AOPEP: variants seen among roughly 807,000 people sequenced by gnomAD.
AOPEP encodes aminopeptidase O (putative).
Under a neutral mutation model 98.1 loss-of-function variants are expected in AOPEP, and 77 were observed. The ratio of observed to expected loss-of-function variants is 0.78; its 90% confidence interval spans 0.65 to 0.95. The LOEUF (loss-of-function observed/expected upper bound fraction) is 0.95, where lower values mean the gene tolerates loss of function less well. Among genes scored for constraint, AOPEP ranks in the 40% least tolerant of loss-of-function variants. The pLI is 0.00. For missense variants in AOPEP, 1,024 were observed against 1,024.7 expected (o/e 1.00, Z 0.01); for synonymous variants, 346 against 365.3 (o/e 0.95, Z 0.60).
chr9:94,790,212 G>T (rs1418888792), intron 3 of AOPEP, among the ~76,000 whole-genome samples: 3 of 150,786 alleles, frequency 2.0e-5, no homozygotes, highest in Non-Finnish European at 4.4e-5. Flanking sequence ...TCTCACCCAG[G>T]CTGGAGTGCA....
intron 5 of AOPEP, among the ~76,000 whole-genome samples, chr9:94,882,882 C>T (rs79906699): frequency 0.054 from 8,214 of 152,244 alleles, 771 homozygotes; most frequent in African/African-American, 0.19. Flanking sequence ...TCCAAAAATA[C>T]GTACATTGTG....
chr9:94,861,558 C>G (rs1158239010), intron 5 of AOPEP, among the ~76,000 whole-genome samples: 1 of 152,198 alleles, frequency 6.6e-6, no homozygotes, highest in Non-Finnish European at 1.5e-5. Flanking sequence ...AGCTGGCACT[C>G]AGGTCTCTTC....
At chr9:94,811,681 G>C (rs1379244120) in intron 5 of AOPEP, among the ~76,000 whole-genome samples, 2 of 152,196 alleles carry the variant, frequency 1.3e-5, no homozygotes, top group African/African-American at 2.4e-5. Flanking sequence ...CCAGGCCACT[G>C]CAGGAAATTG....
At chr9:94,782,771 A>G (rs567587040) in intron 3 of AOPEP, among the ~76,000 whole-genome samples, 26 of 152,332 alleles carry the variant, frequency 1.7e-4, no homozygotes, top group African/African-American at 6.0e-4. Context: ...TAAACGTATT[A>G]ATCTTTTCCC....
At chr9:94,924,664 G>A (rs767013831) in intron 6 of AOPEP, among the ~76,000 whole-genome samples, 25 of 152,166 alleles carry the variant, frequency 1.6e-4, no homozygotes, top group Non-Finnish European at 3.4e-4. Flanking sequence ...AGTGAATGAA[G>A]AATGAAGCAG....
At chr9:94,774,443 C>A (rs975164699) in intron 3 of AOPEP, among the ~76,000 whole-genome samples, 2 of 151,546 alleles carry the variant, frequency 1.3e-5, no homozygotes, top group African/African-American at 4.8e-5. Flanking sequence ...GTTACATTTC[C>A]TTTCAGTATT....
intron 13 of AOPEP, among the ~76,000 whole-genome samples, chr9:95,058,390 C>T (rs1418976724): frequency 6.6e-6 from 1 of 152,198 alleles, no homozygotes; most frequent in Non-Finnish European, 1.5e-5. Flanking sequence ...CTCCCCTTCC[C>T]TGTAATTCTG....
intron 13 of AOPEP, among the ~76,000 whole-genome samples, chr9:95,009,939 A>G (rs915885247): frequency 6.8e-6 from 1 of 146,238 alleles, no homozygotes. Flanking sequence ...CTTTTAAGTG[A>G]AAAAAAAAAA....
intron 5 of AOPEP, among the ~76,000 whole-genome samples, chr9:94,909,631 C>G (rs924929048): frequency 6.6e-6 from 1 of 152,250 alleles, no homozygotes; most frequent in South Asian, 2.1e-4. Context: ...ACTGCTGTGA[C>G]GTGTGTGACG....
chr9:94,986,773 G>A (rs1589170854), intron 11 of AOPEP, among the ~76,000 whole-genome samples: 1 of 152,146 alleles, frequency 6.6e-6, no homozygotes, highest in African/African-American at 2.4e-5. Flanking sequence ...ACAATGAAAT[G>A]AGAAACATTT....
At chr9:94,986,188 T>A (rs1051201596) in intron 11 of AOPEP, among the ~76,000 whole-genome samples, 3 of 152,170 alleles carry the variant, frequency 2.0e-5, no homozygotes, top group Non-Finnish European at 2.9e-5. Context: ...GACGGCCACC[T>A]TCTCATCATG....
At chr9:94,761,743 A>G (rs953931388) in intron 2 of AOPEP, among the ~76,000 whole-genome samples, 2 of 152,166 alleles carry the variant, frequency 1.3e-5, no homozygotes, top group African/African-American at 4.8e-5. Flanking sequence ...TGAGGCAGCC[A>G]TTGTGAAATT....
chr9:95,070,771 G>A (rs1363391904), intron 14 of AOPEP, among the ~76,000 whole-genome samples: 1 of 152,274 alleles, frequency 6.6e-6, no homozygotes, highest in Non-Finnish European at 1.5e-5. Context: ...AACTCTGAGA[G>A]TGGCCGGTGG....
chr9:95,137,770 G>T, the AOPEP span, among the ~76,000 whole-genome samples: 1 of 152,196 alleles, frequency 6.6e-6, no homozygotes, highest in African/African-American at 2.4e-5. Flanking sequence ...AGGCAGGCAG[G>T]GGAGGAGGAG....
rs568339753 is a variant in AOPEP at position 94,996,320 on chromosome 9, C to T, written c.1978-8838C>T. 7.6e-4 allele frequency among the ~76,000 whole-genome samples: 116 copies of T among 151,804 alleles called. 2 individuals are homozygous for T. The South Asian group carries it at 0.023, about 30-fold the overall frequency. On this transcript the variant is annotated intron_variant, in intron 11 of 16. Transcript: ENST00000375315. Reference sequence around the variant, plus strand: ...ATTTATATTTGGAACAGCCACTCCACCCCCCACATGTGGTGGATTTTACTT... The same window carrying T: ...ATTTATATTTGGAACAGCCACTCCATCCCCCACATGTGGTGGATTTTACTT...
intron 16 of AOPEP, among the ~76,000 whole-genome samples, chr9:95,083,407 CCACGCA>C (rs2070109802): frequency 3.4e-5 from 5 of 147,026 alleles, no homozygotes; most frequent in South Asian, 2.2e-4. Context: ...AGCGCACGCA[CCACGCA>C]GAGCACACAC....
intron 5 of AOPEP, among the ~76,000 whole-genome samples, chr9:94,881,889 G>C (rs1424860864): frequency 6.6e-6 from 1 of 152,072 alleles, no homozygotes; most frequent in African/African-American, 2.4e-5. Context: ...GTTTTGGAGG[G>C]GTCTTTAATA....
intron 14 of AOPEP, among the ~76,000 whole-genome samples, chr9:95,073,587 T>G (rs1019159428): frequency 1.3e-5 from 2 of 151,852 alleles, no homozygotes; most frequent in Non-Finnish European, 2.9e-5. Context: ...CCGGGCGCGG[T>G]GGCTCACACC....
intron 5 of AOPEP, among the ~76,000 whole-genome samples, chr9:94,881,721 G>A (rs72748535): frequency 0.021 from 3,268 of 152,248 alleles, 87 homozygotes; most frequent in African/African-American, 0.058. Context: ...AGCCCCAAAT[G>A]CTTCACAAGC....
Sources: gnomAD v4.1 joint callset for allele counts (sites outside exome capture counted in the v4.1 genomes callset) on GRCh38, gnomAD v4.1.1 for gene constraint, MANE v1.5 for transcripts, NCBI Gene and HGNC (gene_info 2026-07-23, HGNC 2026-07-21) for gene names.